TBC1D31: variants seen among roughly 807,000 people sequenced by gnomAD.
The protein encoded by TBC1D31 is TBC1 domain family member 31.
In TBC1D31, 99 loss-of-function variants were observed where a neutral mutation model predicts 132.9. The observed-to-expected ratio is 0.74, with a 90% CI of 0.63 to 0.88. The LOEUF (loss-of-function observed/expected upper bound fraction) is 0.88. Among genes scored for constraint, TBC1D31 ranks in the 40% least tolerant of loss-of-function variants. The pLI, the probability that TBC1D31 is intolerant of heterozygous loss-of-function variation, is 0.00. For missense variants in TBC1D31, 1,134 were observed against 1,256.6 expected, an observed-to-expected ratio of 0.90 and a Z score of 1.48; for synonymous variants, 385 against 419.4, an observed-to-expected ratio of 0.92 and a Z score of 1.00.
chr8:123,164,789 ACTCCT>A, the TBC1D31 span, among the ~76,000 whole-genome samples: 1 of 151,982 alleles, frequency 6.6e-6, no homozygotes, highest in East Asian at 1.9e-4. Flanking sequence ...CCCTCAAGTC[ACTCCT>A]AATACTGTTC....
At position 123,134,119 on chromosome 8, in the gene TBC1D31, T is replaced by G; in HGVS notation, c.2412T>G (p.Tyr804Ter). The G allele has an allele frequency of 1.9e-6, 3 of 1,613,246 alleles. No individual in the cohort carries two copies. The highest frequency in any genetic ancestry group is 2.5e-6 in the Non-Finnish European group (3 of 1,179,252). ...AGTTTGTTGTTTGGCCATAGGTATA[T>G]ATGAGAGATCGAGAAATTGCTGCCA... ...RLDDEIGRKV[Y>*]MRDREIAATA... Residue 804 changes from tyrosine to a stop codon, truncating the protein, a stop_gained, in exon 17 of 22, where the codon TAT becomes TAG. Transcript: ENST00000287380. LOFTEE classifies it high-confidence loss of function.
In TBC1D31 at chr8:123,128,378, G is replaced by T; in HGVS notation, c.1982G>T (p.Ser661Ile). The T allele has an allele frequency of 6.2e-7, 1 of 1,612,962 alleles. No homozygotes were observed. The highest frequency in any genetic ancestry group is 8.5e-7 in the Non-Finnish European group (1 of 1,179,124). Residue 661 changes from serine (S) to isoleucine (I), a missense_variant, in exon 14 of 22, where the codon AGC (serine) becomes ATC (isoleucine). By Grantham distance (142) the Ser-to-Ile change is moderately radical (BLOSUM62 -2). Transcript: ENST00000287380. ...ACGCCTACTGACATTCATCCAGACA[G>T]CATGCTTAATGTTTTTGTTGCACTG... ...ETTPTDIHPD[S>I]MLNVFVALTK...
chr8:123,143,045 C>A (rs1013973406), intron 19 of TBC1D31, among the ~76,000 whole-genome samples: 1 of 152,120 alleles, frequency 6.6e-6, no homozygotes, highest in Non-Finnish European at 1.5e-5. Flanking sequence ...CATCTTTCAG[C>A]CTTTCTGCAC....
intron 11 of TBC1D31, 120 bp from the exon 12 acceptor site, chr8:123,125,936 T>G: frequency 4.4e-6 from 3 of 678,876 alleles, no homozygotes; most frequent in Non-Finnish European, 6.4e-6. Context: ...ATAAAGAGTT[T>G]TTTTTTATTA....
chr8:123,162,594 A>T, the TBC1D31 span, among the ~76,000 whole-genome samples: 1 of 152,306 alleles, frequency 6.6e-6, no homozygotes, highest in South Asian at 2.1e-4. Context: ...CCAAACAGGG[A>T]TGAGCAATGT....
At chr8:123,117,818 T>A (rs187158855) in intron 10 of TBC1D31, among the ~76,000 whole-genome samples, 1 of 149,876 alleles carries the variant, frequency 6.7e-6, no homozygotes, top group East Asian at 2.0e-4. Context: ...TAGTCCTAGC[T>A]ACTTGTGGCT....
intron 16 of TBC1D31, among the ~76,000 whole-genome samples, chr8:123,133,656 G>A (rs930122870): frequency 7.9e-5 from 12 of 152,122 alleles, no homozygotes; most frequent in African/African-American, 2.7e-4. Context: ...TAATTCACTT[G>A]GAGCAGAACA....
chr8:123,165,082 A>C, the TBC1D31 span, among the ~76,000 whole-genome samples: 1 of 152,240 alleles, frequency 6.6e-6, no homozygotes, highest in Non-Finnish European at 1.5e-5. Flanking sequence ...TCTACAAGCC[A>C]AGGAGAGAGA....
At chr8:123,151,494 A>T (rs1822768760) in intron 21 of TBC1D31, among the ~76,000 whole-genome samples, 1 of 152,212 alleles carries the variant, frequency 6.6e-6, no homozygotes, top group Non-Finnish European at 1.5e-5. Flanking sequence ...ATTAAGCATC[A>T]TTGTGAGGAA....
At chr8:123,124,892 G>C (rs549795880) in intron 11 of TBC1D31, among the ~76,000 whole-genome samples, 4 of 147,682 alleles carry the variant, frequency 2.7e-5, no homozygotes, top group African/African-American at 1.0e-4. Context: ...AGCCGAGATC[G>C]CGCCACTGCA....
At chr8:123,109,195 C>CA in intron 8 of TBC1D31, 122 bp from the exon 9 acceptor site, 1 of 680,668 alleles carries the variant, frequency 1.5e-6, no homozygotes, top group Non-Finnish European at 2.5e-6. Context: ...CTATGATACA[C>CA]AAATATGTCT....
intron 2 of TBC1D31, among the ~76,000 whole-genome samples, chr8:123,080,583 G>C (rs1460058155): frequency 7.7e-6 from 1 of 129,306 alleles, no homozygotes; most frequent in Non-Finnish European, 1.6e-5. Flanking sequence ...TGTTGCCCAG[G>C]CCGGGGTACA....
At chr8:123,131,858 A>G (rs1385521234) in intron 16 of TBC1D31, among the ~76,000 whole-genome samples, 1 of 152,154 alleles carries the variant, frequency 6.6e-6, no homozygotes, top group African/African-American at 2.4e-5. Flanking sequence ...CAAATCGTCT[A>G]TTTTAATTTG....
intron 3 of TBC1D31, 116 bp downstream of exon 3, chr8:123,082,933 C>A: frequency 1.5e-6 from 1 of 660,652 alleles, no homozygotes; most frequent in Non-Finnish European, 2.6e-6. Flanking sequence ...GCCCTCCCTT[C>A]AGACACTAGG....
intron 8 of TBC1D31, among the ~76,000 whole-genome samples, chr8:123,106,886 A>G (rs574162388): frequency 6.6e-6 from 1 of 152,360 alleles, no homozygotes; most frequent in Non-Finnish European, 1.5e-5. Context: ...GGTGAAGTCC[A>G]GAAGAAACCA....
At chr8:123,102,678 A>G (rs1817558418) in intron 7 of TBC1D31, 1 of 165,638 alleles carries the variant, frequency 6.0e-6, no homozygotes, top group Non-Finnish European at 1.3e-5. Flanking sequence ...AGGGACATGC[A>G]CAGAGCAGTG....
At chr8:123,092,380 TATC>T (rs1816411068) in intron 4 of TBC1D31, among the ~76,000 whole-genome samples, 1 of 152,150 alleles carries the variant, frequency 6.6e-6, no homozygotes, top group African/African-American at 2.4e-5. Flanking sequence ...TGTTGACACA[TATC>T]ATATAACATC....
intron 17 of TBC1D31, among the ~76,000 whole-genome samples, chr8:123,138,610 A>G (rs1821320835): frequency 6.6e-6 from 1 of 152,194 alleles, no homozygotes; most frequent in African/African-American, 2.4e-5. Flanking sequence ...CCTGGCAGCC[A>G]CGAAGCTACT....
chr8:123,105,028 A>G (rs1439230733), intron 7 of TBC1D31, among the ~76,000 whole-genome samples: 1 of 152,200 alleles, frequency 6.6e-6, no homozygotes, highest in Non-Finnish European at 1.5e-5. Context: ...ATTTAAGGCC[A>G]GCTTTCAAGG....
Sources: allele counts gnomAD v4.1 joint callset (sites outside exome capture counted in the v4.1 genomes callset), GRCh38; gene constraint gnomAD v4.1.1; transcripts MANE v1.5; gene names NCBI Gene and HGNC (gene_info 2026-07-23, HGNC 2026-07-21).